The following PRKCE variants were observed in gnomAD, a reference collection of about 807,000 sequenced individuals.
PRKCE encodes the protein protein kinase C epsilon type.
PRKCE carries 16 observed loss-of-function variants against 85.4 expected under a neutral mutation model. The ratio of observed to expected loss-of-function variants is 0.19; its 90% confidence interval spans 0.13 to 0.28. The LOEUF is 0.28. Among genes scored for constraint, PRKCE ranks in the 10% least tolerant of loss-of-function variants. PRKCE has a pLI of 1.00. For missense variants in PRKCE, 573 were observed against 975.2 expected, an observed-to-expected ratio of 0.59 and a Z score of 5.49; for synonymous variants, 388 against 371.5, an observed-to-expected ratio of 1.04 and a Z score of -0.51.
intron 6 of PRKCE, among the ~76,000 whole-genome samples, chr2:45,997,913 T>A (rs1204435849): frequency 3.3e-5 from 5 of 152,176 alleles, no homozygotes; most frequent in African/African-American, 1.2e-4. Context: ...TTCTCACTCA[T>A]ATGCTATTTA....
chr2:45,856,102 A>G (rs1260695548), intron 2 of PRKCE, among the ~76,000 whole-genome samples: 2 of 152,108 alleles, frequency 1.3e-5, no homozygotes, highest in South Asian at 2.1e-4. Flanking sequence ...ATACATAATA[A>G]TTGCATGTAT....
At chr2:46,182,077 C>T (rs74352774) in intron 14 of PRKCE, among the ~76,000 whole-genome samples, 2 of 152,302 alleles carry the variant, frequency 1.3e-5, no homozygotes, top group African/African-American at 4.8e-5. Context: ...ACCCCTACTA[C>T]TCCATTATCC....
chr2:46,047,678 C>A (rs1481680417), intron 10 of PRKCE, among the ~76,000 whole-genome samples: 1 of 152,196 alleles, frequency 6.6e-6, no homozygotes, highest in Non-Finnish European at 1.5e-5. Flanking sequence ...TTGAAAGCTT[C>A]AAATCAAAGT....
chr2:46,120,966 C>T (rs1673260680), intron 11 of PRKCE, among the ~76,000 whole-genome samples: 1 of 152,216 alleles, frequency 6.6e-6, no homozygotes, highest in Non-Finnish European at 1.5e-5. Context: ...ATCTGTGGCA[C>T]TTGACCTACA....
At chr2:45,943,224 T>C (rs773560545) in intron 2 of PRKCE, among the ~76,000 whole-genome samples, 2 of 152,252 alleles carry the variant, frequency 1.3e-5, no homozygotes, top group Non-Finnish European at 2.9e-5. Flanking sequence ...CAATTAAATA[T>C]ACTCCAAAGC....
At chr2:45,812,996 G>A (rs924729772) in intron 1 of PRKCE, among the ~76,000 whole-genome samples, 5 of 152,206 alleles carry the variant, frequency 3.3e-5, no homozygotes, top group Non-Finnish European at 2.9e-5. Flanking sequence ...AAACACAAAA[G>A]ACACGAATTG....
intron 11 of PRKCE, among the ~76,000 whole-genome samples, chr2:46,123,276 A>G (rs1057041468): frequency 7.5e-6 from 1 of 132,572 alleles, no homozygotes; most frequent in Non-Finnish European, 1.6e-5. Context: ...AACTCAGAGT[A>G]AAGAGATAAG....
intron 2 of PRKCE, among the ~76,000 whole-genome samples, chr2:45,892,270 C>G (rs1036969529): frequency 6.6e-6 from 1 of 152,178 alleles, no homozygotes; most frequent in Non-Finnish European, 1.5e-5. Context: ...TCAGTAAGCC[C>G]TTTCATGTCC....
intron 11 of PRKCE, among the ~76,000 whole-genome samples, chr2:46,142,206 G>A (rs1675608167): frequency 6.6e-6 from 1 of 152,118 alleles, no homozygotes; most frequent in Non-Finnish European, 1.5e-5. Context: ...ATGGCCCTGG[G>A]CTTCCCTGAG....
chr2:45,933,293 C>A (rs1699173882), intron 2 of PRKCE, among the ~76,000 whole-genome samples: 1 of 152,058 alleles, frequency 6.6e-6, no homozygotes. Flanking sequence ...TTAAGAGGAT[C>A]TTTTGATGAA....
intron 1 of PRKCE, among the ~76,000 whole-genome samples, chr2:45,762,248 A>G (rs1684569724): frequency 1.3e-5 from 2 of 152,232 alleles, no homozygotes; most frequent in South Asian, 4.1e-4. Flanking sequence ...CAGGATCAGT[A>G]AGCATTCATT....
chr2:45,709,954 C>T (rs1271668311), intron 1 of PRKCE, among the ~76,000 whole-genome samples: 1 of 152,168 alleles, frequency 6.6e-6, no homozygotes, highest in African/African-American at 2.4e-5. Flanking sequence ...GGATTACAGG[C>T]ACATGCCACC....
intron 1 of PRKCE, among the ~76,000 whole-genome samples, chr2:45,748,771 A>G (rs917418118): frequency 6.6e-5 from 10 of 152,208 alleles, no homozygotes; most frequent in Non-Finnish European, 1.5e-4. Flanking sequence ...AGTAGCCCCT[A>G]CAGGTGCTAG....
At chr2:45,669,733 G>A (rs67720038) in intron 1 of PRKCE, among the ~76,000 whole-genome samples, 11,734 of 152,220 alleles carry the variant, frequency 0.077, 610 homozygotes, top group East Asian at 0.22. Flanking sequence ...TATATCGGCC[G>A]GGCATGGTGG....
intron 1 of PRKCE, among the ~76,000 whole-genome samples, chr2:45,664,807 G>T (rs1161658696): frequency 6.6e-6 from 1 of 152,198 alleles, no homozygotes; most frequent in Non-Finnish European, 1.5e-5. Flanking sequence ...TGTGGTAACT[G>T]AGGCTTAAGG....
chr2:45,825,793 C>T lies in PRKCE; in HGVS notation c.349-17207C>T, dbSNP rs147562284. On this transcript the variant is annotated intron_variant, in intron 1 of 14. Transcript: ENST00000306156. Reference sequence around the variant, plus strand: ...GTCCCAGCTACTTGGGAGGCTGAGGCAGGAAGATCACTTGAGCCCAGGAGT... The same window carrying T: ...GTCCCAGCTACTTGGGAGGCTGAGGTAGGAAGATCACTTGAGCCCAGGAGT... Among the ~76,000 whole-genome samples, 676 of 152,262 alleles carry T rather than the reference C, an allele frequency of 4.4e-3. 7 individuals are homozygous for T. The highest frequency in any genetic ancestry group is 0.016 in the African/African-American group (655 of 41,552).
intron 10 of PRKCE, among the ~76,000 whole-genome samples, chr2:46,079,558 A>T (rs918015199): frequency 6.6e-6 from 1 of 152,222 alleles, no homozygotes. Flanking sequence ...TAGGACCCAC[A>T]ATTTCCTTAT....
At chr2:45,747,183 C>G (rs537831815) in intron 1 of PRKCE, among the ~76,000 whole-genome samples, 1 of 151,992 alleles carries the variant, frequency 6.6e-6, no homozygotes, top group Admixed American at 6.5e-5. Context: ...ATTTTTTTTG[C>G]AAATTAAAAA....
At position 45,976,399 on chromosome 2, in the gene PRKCE, G is replaced by A. The variant is rs61763798; in HGVS notation, c.413-30G>A. The A allele has an allele frequency of 3.7e-4, 590 of 1,593,386 alleles. 4 individuals carry two copies. The African/African-American group carries it at 6.7e-3, about 18-fold the overall frequency. On this transcript the variant is annotated intron_variant, in intron 2 of 14. Coordinates refer to ENST00000306156, the MANE Select transcript of PRKCE (RefSeq NM_005400.3). ...TTGAAGGTGCACTAACCCAGACTCC[G>A]TTTTCTTCCCTGCTCTTGTCCTTCC...
Sources: allele counts gnomAD v4.1 joint callset (sites outside exome capture counted in the v4.1 genomes callset), GRCh38; gene constraint gnomAD v4.1.1; transcripts MANE v1.5; gene names NCBI Gene and HGNC (gene_info 2026-07-23, HGNC 2026-07-21).